ZNF488: variants seen among roughly 807,000 people sequenced by gnomAD.
ZNF488 encodes the protein zinc finger protein 488.
In ZNF488, 1 loss-of-function variant was observed where a neutral mutation model predicts 1.2. The observed-to-expected ratio is 0.86, with a 90% CI of 0.30 to 4.07. The LOEUF (loss-of-function observed/expected upper bound fraction) is 4.07. Among genes scored for constraint, ZNF488 ranks in the 30% most tolerant of loss-of-function variants. ZNF488 has a pLI of 0.18. For missense variants in ZNF488, 450 were observed against 437.9 expected (o/e 1.03, Z -0.25); for synonymous variants, 185 against 190.1 (o/e 0.97, Z 0.22).
At position 47,377,105 on chromosome 10, in the gene ZNF488, G is replaced by A. The variant is rs548802107; in HGVS notation, c.-109+7115C>T. 2.2e-4 allele frequency among the ~76,000 whole-genome samples: 33 copies of A among 152,340 alleles called. No individual in the cohort carries two copies. The East Asian group carries it at 6.2e-3, about 29-fold the overall frequency. ...TGTTTGATCTATCTCTGCAACCCCC[G>A]CAGGGCATCTCAGGAAGAGTGGGGT... is the stretch of plus-strand genomic sequence containing the variant. On this transcript the variant is annotated intron_variant, in intron 1 of 1. Coordinates refer to ENST00000585316, the MANE Select transcript of ZNF488 (RefSeq NM_153034.4).
intron 1 of ZNF488, among the ~76,000 whole-genome samples, chr10:47,381,165 C>T (rs1555215319): frequency 6.6e-6 from 1 of 152,300 alleles, no homozygotes; most frequent in East Asian, 1.9e-4. Flanking sequence ...CCCAAGCCAA[C>T]TGGCCAGCCT....
chr10:47,367,826 T>A lies in ZNF488; in HGVS notation c.1004A>T (p.His335Leu). The A allele has an allele frequency of 6.2e-7, 1 of 1,611,978 alleles. No homozygotes were observed. The highest frequency in any genetic ancestry group is 8.5e-7 in the Non-Finnish European group (1 of 1,179,220). Residue 335 changes from histidine to leucine, a missense_variant, in exon 2 of 2, where the codon CAC (histidine) becomes CTC (leucine). Coordinates refer to ENST00000585316, the MANE Select transcript of ZNF488 (RefSeq NM_153034.4). Reference sequence around the variant, plus strand: ...CACCTGCTAGCTGTGAGAAGTCATGTGCCGGGAGAGGTGGTGGCGCTCCCG... The same window carrying A: ...CACCTGCTAGCTGTGAGAAGTCATGAGCCGGGAGAGGTGGTGGCGCTCCCG... ...HFRERHHLSR[H>L]MTSHS
In ZNF488 at chr10:47,366,561, C is replaced by A. The variant is rs1393483981; in HGVS notation, c.*1246G>T. On this transcript the variant is annotated 3_prime_UTR_variant, in exon 2 of 2. Coordinates refer to ENST00000585316, the MANE Select transcript of ZNF488 (RefSeq NM_153034.4). Reference sequence around the variant, plus strand: ...CAATATCTGACAGTGAGGTGGAAACCAGTGCAAAAACGACACTGGCTTGGA... The same window carrying A: ...CAATATCTGACAGTGAGGTGGAAACAAGTGCAAAAACGACACTGGCTTGGA... The A allele has an allele frequency of 6.0e-6, 1 of 167,082 alleles. No homozygotes were observed. Among genetic ancestry groups the A allele is most frequent in the African/African-American group, 2.4e-5 (1 of 41,440 alleles). 10.3% of individuals were successfully genotyped at this position (167,082 alleles called of 1,614,324 possible).
Position 47,367,889 on chromosome 10 carries a change from T to C in ZNF488, c.941A>G (p.Glu314Gly), listed in dbSNP as rs782716250. 6.2e-7 allele frequency: 1 copy of C among 1,614,010 alleles called. No homozygotes were observed. Among genetic ancestry groups the C allele is most frequent in the Non-Finnish European group, 8.5e-7 (1 of 1,180,030 alleles). ...GCACACAGGGCAGGCAAGGGCCTCTTCTCTCCGCTTCTGAGAATGTGGGTC... is the reference window on the plus strand; with the variant it reads ...GCACACAGGGCAGGCAAGGGCCTCTCCTCTCCGCTTCTGAGAATGTGGGTC... Reference protein sequence around the residue: ...GPDPHSQKRREEALACPVCQE... With the variant: ...GPDPHSQKRRGEALACPVCQE... Residue 314 changes from glutamate (E) to glycine (G), a missense_variant, in exon 2 of 2, where the codon GAA (glutamate) becomes GGA (glycine). Physicochemically the swap from Glu to Gly is moderately conservative, Grantham distance 98. Coordinates refer to ENST00000585316, the MANE Select transcript of ZNF488 (RefSeq NM_153034.4).
At chr10:47,375,969 G>A (rs1431518648) in intron 1 of ZNF488, among the ~76,000 whole-genome samples, 1 of 152,226 alleles carries the variant, frequency 6.6e-6, no homozygotes, top group Non-Finnish European at 1.5e-5. Context: ...TAAATCGAGA[G>A]TGTTTGTGAG....
intron 1 of ZNF488, among the ~76,000 whole-genome samples, chr10:47,383,727 T>C (rs1838073496): frequency 6.6e-6 from 1 of 152,140 alleles, no homozygotes; most frequent in South Asian, 2.1e-4. Flanking sequence ...TGATGCATGG[T>C]TCTTACCCTA....
chr10:47,380,716 CTTCCATCCAAATAG>C (rs1837909799), intron 1 of ZNF488, among the ~76,000 whole-genome samples: 5 of 151,158 alleles, frequency 3.3e-5, no homozygotes, highest in South Asian at 2.1e-4. Context: ...ACCTTCGAGC[CTTCCATCCAAATAG>C]ATGTTAAGTG....
At chr10:47,369,041 C>T (rs368135778) in intron 1 of ZNF488, 104 bp from the exon 2 acceptor site, 77 of 585,358 alleles carry the variant, frequency 1.3e-4, no homozygotes, top group East Asian at 1.2e-3. Context: ...AGGCCTCCTC[C>T]GCTGTCTGTG....
chr10:47,369,096 T>G (rs1388281417), intron 1 of ZNF488, among the ~76,000 whole-genome samples, 159 bp from the exon 2 acceptor site: 1 of 152,200 alleles, frequency 6.6e-6, no homozygotes, highest in Non-Finnish European at 1.5e-5. Context: ...ACAAGGAGCA[T>G]GGATGGCACC....
At chr10:47,374,886 G>A (rs186702116) in intron 1 of ZNF488, among the ~76,000 whole-genome samples, 1 of 152,292 alleles carries the variant, frequency 6.6e-6, no homozygotes, top group African/African-American at 2.4e-5. Flanking sequence ...TGTGTCAAAG[G>A]CCTGCACCCT....
At chr10:47,370,803 A>G (rs1299691698) in intron 1 of ZNF488, among the ~76,000 whole-genome samples, 2 of 152,190 alleles carry the variant, frequency 1.3e-5, no homozygotes, top group Non-Finnish European at 2.9e-5. Flanking sequence ...GGTGTAACCT[A>G]TTCTATGCAC....
At chr10:47,374,074 G>A (rs1353052270) in intron 1 of ZNF488, among the ~76,000 whole-genome samples, 2 of 152,172 alleles carry the variant, frequency 1.3e-5, no homozygotes, top group African/African-American at 2.4e-5. Flanking sequence ...AAGATGCTCG[G>A]GTATGAGTCT....
In ZNF488 at chr10:47,367,803, C is replaced by T. The variant is rs1000205387; in HGVS notation, c.*4G>A. The T allele has an allele frequency of 6.2e-7, 1 of 1,605,366 alleles. No homozygotes were observed. Among genetic ancestry groups the T allele is most frequent in the East Asian group, 2.2e-5 (1 of 44,854 alleles). On this transcript the variant is annotated 3_prime_UTR_variant, in exon 2 of 2. Transcript: ENST00000585316. ...CACCCAGCAGGTCATTCTGCGGTCACCTGCTAGCTGTGAGAAGTCATGTGC... is the reference window on the plus strand; with the variant it reads ...CACCCAGCAGGTCATTCTGCGGTCATCTGCTAGCTGTGAGAAGTCATGTGC...
At chr10:47,370,823 C>A (rs782526644) in intron 1 of ZNF488, among the ~76,000 whole-genome samples, 1 of 152,166 alleles carries the variant, frequency 6.6e-6, no homozygotes, top group Non-Finnish European at 1.5e-5. Flanking sequence ...CACACACACA[C>A]AAAATGCATA....
chr10:47,379,661 CTT>C (rs1837837695), intron 1 of ZNF488, among the ~76,000 whole-genome samples: 1 of 152,294 alleles, frequency 6.6e-6, no homozygotes, highest in African/African-American at 2.4e-5. Context: ...GCTGGCATGA[CTT>C]GTCCCCAGGG....
At chr10:47,382,222 T>G (rs1216469199) in intron 1 of ZNF488, among the ~76,000 whole-genome samples, 2 of 152,268 alleles carry the variant, frequency 1.3e-5, no homozygotes, top group Admixed American at 6.5e-5. Flanking sequence ...CTTTTCCTGA[T>G]ACAACTAGAG....
At chr10:47,379,823 G>C (rs1267433737) in intron 1 of ZNF488, among the ~76,000 whole-genome samples, 2 of 152,196 alleles carry the variant, frequency 1.3e-5, no homozygotes, top group Admixed American at 1.3e-4. Flanking sequence ...CAGCACCTCA[G>C]ATGGGGGTAT....
At chr10:47,382,589 G>A (rs1488366029) in intron 1 of ZNF488, among the ~76,000 whole-genome samples, 1 of 151,934 alleles carries the variant, frequency 6.6e-6, no homozygotes, top group Non-Finnish European at 1.5e-5. Flanking sequence ...CATATGTTGG[G>A]GATCAGGGAT....
rs1250068260 is a variant in ZNF488, at chr10:47,366,317, G to A, written c.*1490C>T. The A allele has an allele frequency of 1.2e-5, 2 of 167,380 alleles. No homozygotes were observed. Among genetic ancestry groups the A allele is most frequent in the East Asian group, 1.9e-4 (1 of 5,200 alleles). The allele number at this position is 167,380 out of a possible 1,614,324, so 10.4% of individuals were successfully genotyped here. ...TTGTGTGTGTGTGGACAATGGATGC[G>A]TGCATGGTGAGAGGCAGGAATGGAG... On this transcript the variant is annotated 3_prime_UTR_variant, in exon 2 of 2. Coordinates refer to ENST00000585316, the MANE Select transcript of ZNF488 (RefSeq NM_153034.4).
Sources: allele counts gnomAD v4.1 joint callset (sites outside exome capture counted in the v4.1 genomes callset), GRCh38; gene constraint gnomAD v4.1.1; transcripts MANE v1.5; gene names NCBI Gene and HGNC (gene_info 2026-07-23, HGNC 2026-07-21).